TFDP1: variants seen among roughly 807,000 people sequenced by gnomAD.
TFDP1 encodes the protein transcription factor Dp-1.
A neutral mutation model predicts 48.0 loss-of-function variants in TFDP1; 6 were observed. The observed-to-expected ratio is 0.13, with a 90% CI of 0.07 to 0.25. The LOEUF (loss-of-function observed/expected upper bound fraction) is 0.25. Among genes scored for constraint, TFDP1 ranks in the 10% least tolerant of loss-of-function variants. The probability of loss-of-function intolerance (pLI) is 1.00; values close to 1 mark genes in which losing one functional copy is unlikely to be tolerated. For missense variants in TFDP1, 335 were observed against 543.0 expected, an observed-to-expected ratio of 0.62 and a Z score of 3.81; for synonymous variants, 201 against 211.6, an observed-to-expected ratio of 0.95 and a Z score of 0.44.
At chr13:113,589,015 T>G (rs2048076076) in intron 2 of TFDP1, among the ~76,000 whole-genome samples, 1 of 144,414 alleles carries the variant, frequency 6.9e-6, no homozygotes, top group African/African-American at 2.6e-5. Context: ...GGAGAGTGAG[T>G]GTGGTGATGG....
At chr13:113,584,746 C>A (rs1256743585), upstream of TFDP1, 1 of 146,754 alleles carries the variant, frequency 6.8e-6, no homozygotes, top group Non-Finnish European at 1.5e-5. Context: ...CCCCGCGTCC[C>A]GGCGCCACTC....
Position 113,623,072 on chromosome 13 carries a change from A to G in TFDP1, c.80-108A>G. On this transcript the variant is annotated intron_variant, in intron 3 of 11. Transcript: ENST00000375370. This position sits in a 1 kb window ranked among gnomAD's most constrained non-coding sequence, Gnocchi z 5.2. ...GGATTTGAGACAGTACACGTGGGGA[A>G]AGCTAAGCATCTCTAATTGCAAGCA... 1 of 929,554 alleles carries G rather than the reference A, an allele frequency of 1.1e-6. No individual in the cohort carries two copies. The allele number at this position is 929,554 out of a possible 1,614,324, so 57.6% of individuals were successfully genotyped here.
chr13:113,636,277 C>A, intron 9 of TFDP1, 149 bp downstream of exon 9: 1 of 1,196,146 alleles, frequency 8.4e-7, no homozygotes, highest in Non-Finnish European at 1.2e-6. Flanking sequence ...TGGTGGGAGG[C>A]TGCCGCCATG....
At chr13:113,602,240 G>A (rs968145200) in intron 2 of TFDP1, among the ~76,000 whole-genome samples, 5 of 151,430 alleles carry the variant, frequency 3.3e-5, no homozygotes, top group African/African-American at 4.9e-5. Context: ...TTACCTGCAG[G>A]AGTCGAGGGA....
At chr13:113,592,261 T>G (rs1364752202) in intron 2 of TFDP1, among the ~76,000 whole-genome samples, 1 of 152,270 alleles carries the variant, frequency 6.6e-6, no homozygotes, top group Admixed American at 6.5e-5. Context: ...GTTCAAGCGA[T>G]TCTCTGACCT....
chr13:113,587,218 C>T (rs959450488), intron 2 of TFDP1, among the ~76,000 whole-genome samples: 3 of 152,020 alleles, frequency 2.0e-5, no homozygotes, highest in African/African-American at 4.8e-5. Context: ...AAAGGTGGTC[C>T]GGCTCTGCAG....
intron 4 of TFDP1, among the ~76,000 whole-genome samples, chr13:113,631,370 T>C (rs1380564045): frequency 6.6e-6 from 1 of 152,184 alleles, no homozygotes; most frequent in Non-Finnish European, 1.5e-5. Flanking sequence ...CCGAAGTTTC[T>C]TGTTGCTTTT....
intron 4 of TFDP1, among the ~76,000 whole-genome samples, chr13:113,625,930 A>G (rs2049159279): frequency 8.4e-6 from 1 of 119,444 alleles, no homozygotes; most frequent in Non-Finnish European, 1.7e-5. Context: ...ACGTGTCCTC[A>G]GGTGTTTCTC....
At chr13:113,594,741 T>C (rs2048245660) in intron 2 of TFDP1, among the ~76,000 whole-genome samples, 1 of 152,264 alleles carries the variant, frequency 6.6e-6, no homozygotes, top group African/African-American at 2.4e-5. Context: ...CGGGCTTTTC[T>C]GTCGCAGTTG....
chr13:113,635,910 C>T (rs1035983602), intron 8 of TFDP1, 67 bp from the exon 9 acceptor site: 9 of 1,541,668 alleles, frequency 5.8e-6, no homozygotes, highest in African/African-American at 5.5e-5. Flanking sequence ...GCTGTGAGGA[C>T]CCCTCGAGCA....
chr13:113,612,042 C>G (rs760228675), intron 3 of TFDP1, among the ~76,000 whole-genome samples: 3 of 152,166 alleles, frequency 2.0e-5, no homozygotes, highest in Non-Finnish European at 4.4e-5. Flanking sequence ...TTTTTTTACT[C>G]TTAACATTGT....
intron 2 of TFDP1, among the ~76,000 whole-genome samples, chr13:113,600,396 G>A (rs537727165): frequency 7.9e-4 from 118 of 148,746 alleles, no homozygotes; most frequent in Non-Finnish European, 1.3e-3. Flanking sequence ...GACCGTAAGC[G>A]AGAATCCTTG....
In TFDP1 at chr13:113,633,060, G is replaced by T. The variant is rs552154512; in HGVS notation, c.309-60G>T. ...GAGCTCTCAGGTAAAAGCATTCCTCGATTCAGGCTGATCCTCAGGAGGGCT... is the reference window on the plus strand; with the variant it reads ...GAGCTCTCAGGTAAAAGCATTCCTCTATTCAGGCTGATCCTCAGGAGGGCT... On this transcript the variant is annotated intron_variant, in intron 5 of 11. Coordinates refer to ENST00000375370, the MANE Select transcript of TFDP1 (RefSeq NM_007111.5). The surrounding 1 kb of genome is among the most constrained non-coding windows in gnomAD (Gnocchi z 4.5). 3.1e-6 allele frequency: 5 copies of T among 1,601,772 alleles called. No individual in the cohort carries two copies. In the Admixed American group the frequency reaches 5.2e-5, roughly 17 times the overall value.
Position 113,633,754 on chromosome 13 carries a change from A to G in TFDP1, c.475-136A>G. The G allele has an allele frequency of 9.9e-7, 1 of 1,011,354 alleles. No individual in the cohort carries two copies. The highest frequency in any genetic ancestry group is 1.5e-6 in the Non-Finnish European group (1 of 686,132). The allele number at this position is 1,011,354 out of a possible 1,614,324, so 62.6% of individuals were successfully genotyped here. A position where few individuals can be genotyped will look rare whatever the true frequency, so the allele number is the denominator to read the frequency against. Reference sequence around the variant, plus strand: ...TGCCCTGCGTCATCTGTGGGGTGGGAGCGCTCCCTGAGGGCATGTTGGGGT... The same window carrying G: ...TGCCCTGCGTCATCTGTGGGGTGGGGGCGCTCCCTGAGGGCATGTTGGGGT... On this transcript the variant is annotated intron_variant, in intron 6 of 11. Transcript: ENST00000375370. The surrounding 1 kb of genome is among the most constrained non-coding windows in gnomAD (Gnocchi z 4.5).
At position 113,623,702 on chromosome 13, in the gene TFDP1, A is replaced by G. The variant is rs2049050793; in HGVS notation, c.186+416A>G. On this transcript the variant is annotated intron_variant, in intron 4 of 11. Coordinates refer to ENST00000375370, the MANE Select transcript of TFDP1 (RefSeq NM_007111.5). This position sits in a 1 kb window ranked among gnomAD's most constrained non-coding sequence, Gnocchi z 5.2. ...TCAGGCTGGGAAGCCAGAGAGGGATAGGGCCCTGGCCGTGGCTGTGCGTTT... is the reference window on the plus strand; with the variant it reads ...TCAGGCTGGGAAGCCAGAGAGGGATGGGGCCCTGGCCGTGGCTGTGCGTTT... 6.6e-6 allele frequency among the ~76,000 whole-genome samples: 1 copy of G among 152,262 alleles called. No homozygotes were observed. Among genetic ancestry groups the G allele is most frequent in the African/African-American group, 2.4e-5 (1 of 41,558 alleles).
intron 2 of TFDP1, among the ~76,000 whole-genome samples, chr13:113,594,682 G>T (rs973849209): frequency 2.0e-5 from 3 of 152,258 alleles, no homozygotes; most frequent in Non-Finnish European, 4.4e-5. Context: ...CAGTGGACAT[G>T]GAATCCTTGT....
chr13:113,623,144 G>T lies in TFDP1; in HGVS notation c.80-36G>T. Reference sequence around the variant, plus strand: ...CGCTTGTAGCCTTAACTTAGAAAAGGAGTCTCGCCCTTGACCTGGTGTCCT... The same window carrying T: ...CGCTTGTAGCCTTAACTTAGAAAAGTAGTCTCGCCCTTGACCTGGTGTCCT... On this transcript the variant is annotated intron_variant, in intron 3 of 11. Transcript: ENST00000375370. This position sits in a 1 kb window ranked among gnomAD's most constrained non-coding sequence, Gnocchi z 5.2. 2 of 1,572,180 alleles carry T rather than the reference G, an allele frequency of 1.3e-6. No homozygotes were observed. The highest frequency in any genetic ancestry group is 1.7e-6 in the Non-Finnish European group (2 of 1,150,350).
At chr13:113,606,860 C>T (rs1229418138) in intron 2 of TFDP1, among the ~76,000 whole-genome samples, 2 of 152,162 alleles carry the variant, frequency 1.3e-5, no homozygotes, top group African/African-American at 2.4e-5. Flanking sequence ...CCAAGATAGG[C>T]GCTTACAGGC....
At chr13:113,624,689 CCTCAGGTGTCT>C (rs2049084130) in intron 4 of TFDP1, among the ~76,000 whole-genome samples, 1 of 144,618 alleles carries the variant, frequency 6.9e-6, no homozygotes, top group African/African-American at 2.6e-5. Flanking sequence ...TCTCACATGT[CCTCAGGTGTCT>C]CTCAGGGTAT....
Sources: gnomAD v4.1 joint callset for allele counts (sites outside exome capture counted in the v4.1 genomes callset) on GRCh38, gnomAD v4.1.1 for gene constraint, Gnocchi (gnomAD v3.1) non-coding constraint, MANE v1.5 for transcripts, NCBI Gene and HGNC (gene_info 2026-07-23, HGNC 2026-07-21) for gene names.